CFDP1: variants seen among roughly 807,000 people sequenced by gnomAD.
The protein encoded by CFDP1 is heterochromatin-stabilizing protein CFDP1.
Under a neutral mutation model 40.1 loss-of-function variants are expected in CFDP1, and 31 were observed. The ratio of observed to expected loss-of-function variants is 0.77; its 90% CI spans 0.58 to 1.04. The LOEUF (loss-of-function observed/expected upper bound fraction) is 1.04, where lower values mean the gene tolerates loss of function less well. CFDP1 is among the 50% of genes least tolerant of loss of function. The probability of loss-of-function intolerance (pLI) is 0.00; values close to 1 mark genes in which losing one functional copy is unlikely to be tolerated. For synonymous variants in CFDP1, 167 were observed against 120.0 expected, an observed-to-expected ratio of 1.39 and a Z score of -2.56; for missense variants, 423 against 343.4, an observed-to-expected ratio of 1.23 and a Z score of -1.83.
intron 4 of CFDP1, chr16:75,409,193 A>G (rs2079133334): frequency 6.6e-6 from 1 of 152,218 alleles, no homozygotes; most frequent in Non-Finnish European, 1.5e-5. Context: ...AAAAGGTAAC[A>G]GTGATTCCCT....
chr16:75,412,182 C>T (rs537191533), intron 3 of CFDP1, among the ~76,000 whole-genome samples: 3 of 152,128 alleles, frequency 2.0e-5, no homozygotes, highest in Admixed American at 1.3e-4. Flanking sequence ...CCACACCCAG[C>T]TAATTTTTGT....
chr16:75,422,392 GC>G (rs2151597322), intron 1 of CFDP1, among the ~76,000 whole-genome samples: 3 of 148,962 alleles, frequency 2.0e-5, no homozygotes, highest in African/African-American at 7.5e-5. Flanking sequence ...ACTGCGTATG[GC>G]CTCTTTTTTT....
At chr16:75,320,379 C>T (rs185469853) in intron 5 of CFDP1, among the ~76,000 whole-genome samples, 7 of 151,678 alleles carry the variant, frequency 4.6e-5, no homozygotes, top group Non-Finnish European at 7.4e-5. Context: ...GGCTGGCAAA[C>T]GAAGAAGGTC....
At chr16:75,357,871 T>C (rs1163641181) in intron 5 of CFDP1, among the ~76,000 whole-genome samples, 1 of 152,232 alleles carries the variant, frequency 6.6e-6, no homozygotes, top group Non-Finnish European at 1.5e-5. Context: ...GAGGCCTAGC[T>C]TTTAGCCTGT....
At chr16:75,425,390 C>CA (rs34282121) in intron 1 of CFDP1, among the ~76,000 whole-genome samples, 23,865 of 98,762 alleles carry the variant, frequency 0.24, 2,630 homozygotes, top group East Asian at 0.36. Context: ...CCATCCCCCT[C>CA]AAAAAAAAAA....
intron 4 of CFDP1, among the ~76,000 whole-genome samples, chr16:75,402,619 C>T (rs1355290522): frequency 6.6e-6 from 1 of 152,186 alleles, no homozygotes; most frequent in Non-Finnish European, 1.5e-5. Flanking sequence ...TCATCACCAG[C>T]TCTTCTCACA....
chr16:75,399,934 T>G (rs2079034486), intron 4 of CFDP1, among the ~76,000 whole-genome samples: 1 of 151,328 alleles, frequency 6.6e-6, no homozygotes, highest in South Asian at 2.1e-4. Flanking sequence ...AAACCCCATC[T>G]CTATCAAAAA....
intron 4 of CFDP1, among the ~76,000 whole-genome samples, chr16:75,397,871 C>G (rs60730309): frequency 0.49 from 75,154 of 152,078 alleles, 20,099 homozygotes; most frequent in Admixed American, 0.63. Flanking sequence ...TCCACTGATG[C>G]TGAGCTTGGA....
At chr16:75,397,581 T>C (rs1232007825) in intron 4 of CFDP1, among the ~76,000 whole-genome samples, 2 of 143,250 alleles carry the variant, frequency 1.4e-5, no homozygotes, top group Non-Finnish European at 3.0e-5. Flanking sequence ...GGCGGGCAGA[T>C]TATGAGGTCA....
chr16:75,332,482 T>C (rs1334533120), intron 5 of CFDP1, among the ~76,000 whole-genome samples: 1 of 150,728 alleles, frequency 6.6e-6, no homozygotes, highest in African/African-American at 2.4e-5. Flanking sequence ...AAAAGTAAAA[T>C]AAAATAAAAT....
chr16:75,367,618 C>A (rs556261291), intron 5 of CFDP1, among the ~76,000 whole-genome samples: 1 of 151,774 alleles, frequency 6.6e-6, no homozygotes, highest in African/African-American at 2.4e-5. Flanking sequence ...CATGGTGAAA[C>A]CCCATCTCTA....
intron 5 of CFDP1, chr16:75,391,555 G>A (rs1208506284): frequency 6.6e-6 from 1 of 152,208 alleles, no homozygotes; most frequent in Non-Finnish European, 1.5e-5. Flanking sequence ...ATTATACATA[G>A]TAAGGGTAAA....
chr16:75,332,720 T>C (rs926733973), intron 5 of CFDP1, among the ~76,000 whole-genome samples: 2 of 150,908 alleles, frequency 1.3e-5, no homozygotes, highest in African/African-American at 4.9e-5. Flanking sequence ...GTCAGTTCTA[T>C]ATATATTTAT....
rs563564684 is a variant in CFDP1 at position 75,418,912 on chromosome 16, G to C, written c.65-4217C>G. ...AGGAGGCCAAGGTGGGTGAGTATGG[G>C]GGGGAATGCTTGAGCCCATGAGTTC... On this transcript the variant is annotated intron_variant, in intron 1 of 6. Transcript: ENST00000283882. The C allele has an allele frequency of 1.1e-3, 186 of 173,178 alleles. 1 individual carries two copies. The highest frequency in any genetic ancestry group is 3.3e-3 in the Admixed American group (56 of 17,218). 10.7% of individuals were successfully genotyped at this position (173,178 alleles called of 1,614,324 possible). A position where few individuals can be genotyped will look rare whatever the true frequency, so the allele number is the denominator to read the frequency against.
At chr16:75,428,440 C>T (rs1385714990) in intron 1 of CFDP1, among the ~76,000 whole-genome samples, 1 of 151,804 alleles carries the variant, frequency 6.6e-6, no homozygotes, top group Non-Finnish European at 1.5e-5. Context: ...AAGGTGAAGC[C>T]CCGTCTCTAT....
At chr16:75,401,199 T>C (rs2079049531) in intron 4 of CFDP1, among the ~76,000 whole-genome samples, 1 of 151,376 alleles carries the variant, frequency 6.6e-6, no homozygotes, top group Admixed American at 6.6e-5. Context: ...GAGGCCGAGG[T>C]GGGTGGATCA....
In CFDP1 at chr16:75,427,523, A is replaced by C. The variant is rs2432548; in HGVS notation, c.64+5766T>G. Among the ~76,000 whole-genome samples the C allele has an allele frequency of 4.7e-3, 715 of 152,306 alleles. 1 individual carries two copies. The highest frequency in any genetic ancestry group is 0.017 in the Middle Eastern group (5 of 294). On this transcript the variant is annotated intron_variant, in intron 1 of 6. Transcript: ENST00000283882. ...GCCTTGGCCTCCCAAAGTGGTGGGA[A>C]TACAGGCATGAGCCACCGCGCTCGG...
intron 5 of CFDP1, among the ~76,000 whole-genome samples, chr16:75,392,805 G>A (rs2078963166): frequency 1.3e-5 from 2 of 152,200 alleles, no homozygotes; most frequent in South Asian, 4.1e-4. Context: ...TACTTGCTTA[G>A]AGTATTAACA....
intron 5 of CFDP1, among the ~76,000 whole-genome samples, chr16:75,371,500 T>G (rs950167369): frequency 8.5e-5 from 13 of 152,322 alleles, no homozygotes; most frequent in African/African-American, 2.6e-4. Context: ...TATTCAAATG[T>G]TTTTTAAAAA....
Sources: gnomAD v4.1 joint callset for allele counts (sites outside exome capture counted in the v4.1 genomes callset) on GRCh38, gnomAD v4.1.1 for gene constraint, MANE v1.5 for transcripts, NCBI Gene and HGNC (gene_info 2026-07-23, HGNC 2026-07-21) for gene names.